Variants in MCTP1 observed in about 807,000 individuals in gnomAD.
MCTP1 encodes multiple C2 and transmembrane domain-containing protein 1.
In MCTP1, 69 loss-of-function variants were observed where a neutral mutation model predicts 120.6. That is an observed-to-expected ratio of 0.57 (90% CI 0.47 to 0.70). The LOEUF is 0.70. Ranked by LOEUF, MCTP1 falls within the 30% of genes least tolerant of loss-of-function variation. MCTP1 has a pLI of 0.00. For missense variants in MCTP1, 1,203 were observed against 1,248.8 expected (o/e 0.96, Z 0.55); for synonymous variants, 529 against 493.1 (o/e 1.07, Z -0.96).
Position 94,705,136 on chromosome 5 carries a change from TAAG to T in MCTP1, c.*2357_*2359del, listed in dbSNP as rs1221046035. The T allele has an allele frequency of 6.6e-6, 1 of 151,468 alleles. No individual in the cohort carries two copies. Among genetic ancestry groups the T allele is most frequent in the Non-Finnish European group, 1.5e-5 (1 of 67,622 alleles). The allele number at this position is 151,468 out of a possible 1,614,324, so 9.4% of individuals were successfully genotyped here. A position where few individuals can be genotyped will look rare whatever the true frequency, so the allele number is the denominator to read the frequency against. On this transcript the variant is annotated 3_prime_UTR_variant, in exon 23 of 23. Coordinates refer to ENST00000515393, the MANE Select transcript of MCTP1 (RefSeq NM_024717.7). Reference sequence around the variant, plus strand: ...GATGTTTGAGTGACATTCAGTCTCTTAAGAAATATTTACATCACAGATCTCAAA... The same window carrying T: ...GATGTTTGAGTGACATTCAGTCTCTTAAATATTTACATCACAGATCTCAAA...
chr5:95,208,995 C>T (rs1262665884), intron 1 of MCTP1, among the ~76,000 whole-genome samples: 1 of 152,150 alleles, frequency 6.6e-6, no homozygotes, highest in Admixed American at 6.6e-5. Context: ...AATTGCTCCA[C>T]ATATCTGTTT....
chr5:94,725,521 T>G (rs1030568457), intron 19 of MCTP1, among the ~76,000 whole-genome samples: 44 of 152,238 alleles, frequency 2.9e-4, no homozygotes, highest in African/African-American at 1.1e-3. Context: ...GATGTACGTT[T>G]GTTTTTAAAA....
At chr5:94,932,503 T>C (rs1427946510) in intron 5 of MCTP1, among the ~76,000 whole-genome samples, 1 of 152,086 alleles carries the variant, frequency 6.6e-6, no homozygotes, top group Non-Finnish European at 1.5e-5. Context: ...GCTACTAGTG[T>C]ATTTTCCTGC....
intron 17 of MCTP1, among the ~76,000 whole-genome samples, chr5:94,813,703 T>C (rs1274352766): frequency 1.3e-5 from 2 of 151,966 alleles, no homozygotes; most frequent in African/African-American, 2.4e-5. Flanking sequence ...CTGGGCAACA[T>C]AGTGAGACCT....
chr5:94,982,800 A>G (rs1407519037), intron 2 of MCTP1, among the ~76,000 whole-genome samples: 1 of 147,888 alleles, frequency 6.8e-6, no homozygotes, highest in Admixed American at 6.9e-5. Flanking sequence ...GAGGTGGGAG[A>G]ATTGCATGAA....
At chr5:94,742,610 G>T (rs767244027) in intron 19 of MCTP1, among the ~76,000 whole-genome samples, 1 of 151,930 alleles carries the variant, frequency 6.6e-6, no homozygotes, top group Non-Finnish European at 1.5e-5. Context: ...CACCAAAGAA[G>T]AATGCATAGA....
At position 94,883,086 on chromosome 5, in the gene MCTP1, T is replaced by C. The variant is rs187392930; in HGVS notation, c.1933+5793A>G. 7.2e-5 allele frequency among the ~76,000 whole-genome samples: 11 copies of C among 152,300 alleles called. No individual in the cohort carries two copies. In the East Asian group the frequency reaches 2.1e-3, roughly 29 times the overall value. ...GTAAGTTTTATTTGTATGTAAGATGTGGTGACATAAAAGAAGGAAGAACAA... is the reference window on the plus strand; with the variant it reads ...GTAAGTTTTATTTGTATGTAAGATGCGGTGACATAAAAGAAGGAAGAACAA... On this transcript the variant is annotated intron_variant, in intron 12 of 22. Coordinates refer to ENST00000515393, the MANE Select transcript of MCTP1 (RefSeq NM_024717.7).
chr5:94,976,150 T>C (rs1015403140), intron 2 of MCTP1, among the ~76,000 whole-genome samples: 1 of 152,038 alleles, frequency 6.6e-6, no homozygotes, highest in Non-Finnish European at 1.5e-5. Flanking sequence ...ATCACAAGAG[T>C]ACTGTGCTAC....
chr5:94,873,077 CT>C (rs1798130316), intron 13 of MCTP1, 61 bp downstream of exon 13: 1 of 987,412 alleles, frequency 1.0e-6, no homozygotes, highest in South Asian at 1.3e-5. Flanking sequence ...TTTTAAAACC[CT>C]CAAAAATAAA....
At chr5:95,172,350 G>C (rs1747423325) in intron 1 of MCTP1, among the ~76,000 whole-genome samples, 1 of 152,158 alleles carries the variant, frequency 6.6e-6, no homozygotes, top group Non-Finnish European at 1.5e-5. Context: ...GCTACTTGTG[G>C]GTCAGGGACC....
rs1754871662 is a variant in MCTP1 at position 95,081,307 on chromosome 5, C to A, written c.721-63823G>T. 11 of 763,048 alleles carry A rather than the reference C, an allele frequency of 1.4e-5. No homozygotes were observed. In the East Asian group the frequency reaches 3.0e-4, roughly 21 times the overall value. The allele number at this position is 763,048 out of a possible 1,614,324, so 47.3% of individuals were successfully genotyped here. On this transcript the variant is annotated intron_variant, in intron 1 of 22. Coordinates refer to ENST00000515393, the MANE Select transcript of MCTP1 (RefSeq NM_024717.7). ...TTAAAAATTATCTGTATTAGAATCT[C>A]AAATGCAACCTTCAATACCCCGTGA...
At chr5:95,250,755 T>C (rs1187612009) in intron 1 of MCTP1, among the ~76,000 whole-genome samples, 1 of 152,340 alleles carries the variant, frequency 6.6e-6, no homozygotes, top group East Asian at 1.9e-4. Context: ...TCCTCTTTAA[T>C]GATATTTTCA....
intron 17 of MCTP1, among the ~76,000 whole-genome samples, chr5:94,813,607 AATACT>A (rs1299517033): frequency 2.0e-5 from 3 of 152,184 alleles, no homozygotes; most frequent in Non-Finnish European, 1.5e-5. Context: ...ATATCCAAGG[AATACT>A]ATTCAGTAAT....
intron 1 of MCTP1, among the ~76,000 whole-genome samples, chr5:95,021,310 A>G (rs1196548928): frequency 6.6e-6 from 1 of 152,132 alleles, no homozygotes; most frequent in Non-Finnish European, 1.5e-5. Context: ...TGCTTGGCAC[A>G]TAGTAAGCAC....
Position 94,912,915 on chromosome 5 carries a change from A to C in MCTP1, c.1412T>G (p.Ile471Arg), listed in dbSNP as rs1809114685. The stretch of plus-strand genomic sequence containing the variant: ...CCCTTCAATCAAGGTGATGCTGACT[A>C]TTCCTCTCCAAAGATGCGATTTTCT... ...LHRKSHLWRG[I>R]VSITLIEGRD... Residue 471 changes from isoleucine to arginine, a missense_variant, in exon 9 of 23, where the codon ATA (isoleucine) becomes AGA (arginine). Transcript: ENST00000515393. 6.2e-7 allele frequency: 1 copy of C among 1,605,504 alleles called. No individual in the cohort carries two copies. The highest frequency in any genetic ancestry group is 8.5e-7 in the Non-Finnish European group (1 of 1,176,460).
At chr5:94,852,712 T>C (rs894204748) in intron 17 of MCTP1, among the ~76,000 whole-genome samples, 3 of 151,978 alleles carry the variant, frequency 2.0e-5, no homozygotes, top group African/African-American at 7.2e-5. Context: ...TTAAAATGTA[T>C]CTATTTTTGT....
chr5:94,916,278 T>C (rs1386004305), intron 8 of MCTP1, among the ~76,000 whole-genome samples: 1 of 152,204 alleles, frequency 6.6e-6, no homozygotes, highest in African/African-American at 2.4e-5. Flanking sequence ...GCATGTAACA[T>C]AAATAAATGT....
chr5:94,804,252 A>C (rs1781802311), intron 17 of MCTP1, among the ~76,000 whole-genome samples: 1 of 152,316 alleles, frequency 6.6e-6, no homozygotes, highest in South Asian at 2.1e-4. Flanking sequence ...ATTTCAGTTC[A>C]ATTTCTGCTA....
intron 1 of MCTP1, among the ~76,000 whole-genome samples, chr5:95,211,515 T>A (rs1291248760): frequency 1.3e-5 from 2 of 152,208 alleles, no homozygotes; most frequent in African/African-American, 4.8e-5. Context: ...AGCCTTGGCT[T>A]TCAGCTCCAT....
Sources: gnomAD v4.1 joint callset for allele counts (sites outside exome capture counted in the v4.1 genomes callset) on GRCh38, gnomAD v4.1.1 for gene constraint, MANE v1.5 for transcripts, NCBI Gene and HGNC (gene_info 2026-07-23, HGNC 2026-07-21) for gene names.